Variants in SESN3 observed in about 807,000 individuals in gnomAD.
SESN3 encodes sestrin-3.
A neutral mutation model predicts 55.3 loss-of-function variants in SESN3; 21 were observed. The observed-to-expected ratio is 0.38, with a 90% CI of 0.27 to 0.55. SESN3 has a LOEUF of 0.55. SESN3 is among the 20% of genes least tolerant of loss of function. The probability of loss-of-function intolerance (pLI) is 0.76; values close to 1 mark genes in which losing one functional copy is unlikely to be tolerated. For synonymous variants in SESN3, 181 were observed against 203.1 expected (o/e 0.89, Z 0.93); for missense variants, 408 against 604.3 (o/e 0.68, Z 3.41).
intron 4 of SESN3, 102 bp from the exon 5 acceptor site, chr11:95,185,594 T>TA: frequency 1.4e-6 from 1 of 729,184 alleles, no homozygotes; most frequent in Non-Finnish European, 2.3e-6. Flanking sequence ...CTTAGAGTAA[T>TA]AAAACTTAAA....
At chr11:95,184,098 T>C (rs1367727041) in intron 6 of SESN3, 1 of 369,692 alleles carries the variant, frequency 2.7e-6, no homozygotes, top group East Asian at 4.0e-5. Context: ...ATTTCACTTA[T>C]CATTTTTAAA....
chr11:95,219,094 T>C (rs1029130336), intron 1 of SESN3, among the ~76,000 whole-genome samples: 3 of 149,800 alleles, frequency 2.0e-5, no homozygotes, highest in Non-Finnish European at 4.5e-5. Context: ...CTTTAGTTAT[T>C]TTTAATAGCT....
chr11:95,201,588 C>G (rs1025042843), intron 1 of SESN3, among the ~76,000 whole-genome samples: 17 of 151,940 alleles, frequency 1.1e-4, no homozygotes, highest in African/African-American at 4.1e-4. Flanking sequence ...CTTCTAAAAA[C>G]AAAAGGACCA....
intron 1 of SESN3, among the ~76,000 whole-genome samples, chr11:95,209,906 A>G (rs1361920160): frequency 6.7e-6 from 1 of 149,492 alleles, no homozygotes; most frequent in Non-Finnish European, 1.5e-5. Context: ...AGTCCCAGCT[A>G]CTCTGGAGGC....
chr11:95,206,309 A>T (rs529829829), intron 1 of SESN3, among the ~76,000 whole-genome samples: 2 of 151,514 alleles, frequency 1.3e-5, no homozygotes, highest in Admixed American at 1.3e-4. Context: ...ACTATTTTTG[A>T]ACCATAACCA....
chr11:95,202,436 G>A (rs964813556), intron 1 of SESN3, among the ~76,000 whole-genome samples: 2 of 151,974 alleles, frequency 1.3e-5, no homozygotes, highest in African/African-American at 4.8e-5. Context: ...TCTACTTACT[G>A]TCTTCCATGT....
chr11:95,177,707 C>G lies in SESN3; in HGVS notation c.1247+12G>C, dbSNP rs765736032. 1.6e-5 allele frequency: 25 copies of G among 1,586,516 alleles called. No individual in the cohort carries two copies. In the East Asian group the frequency reaches 5.5e-4, roughly 35 times the overall value. On this transcript the variant is annotated intron_variant, in intron 8 of 9. Transcript: ENST00000536441. ...TTAGAAATGTAAAAAACTGTCTCTA[C>G]AATGAACATACCTGATTCCAAACAT... is the stretch of plus-strand genomic sequence containing the variant.
intron 1 of SESN3, chr11:95,224,570 T>G: frequency 2.9e-6 from 1 of 343,758 alleles, no homozygotes; most frequent in East Asian, 8.4e-5. Context: ...TATGTAAATC[T>G]TTCAAATACT....
rs906446633 is a variant in SESN3 at position 95,167,004 on chromosome 11, A to AT, written c.*6250_*6251insA. 1 of 152,206 alleles carries AT rather than the reference A, an allele frequency of 6.6e-6. No individual in the cohort carries two copies. Among genetic ancestry groups the AT allele is most frequent in the African/African-American group, 2.4e-5 (1 of 41,452 alleles). The allele number at this position is 152,206 out of a possible 1,614,324, so 9.4% of individuals were successfully genotyped here. ...GAAAGCGGAAGTCTCTCAACATTAC[A>AT]AAGGAAACTCCTTGGCCACCCAACT... On this transcript the variant is annotated 3_prime_UTR_variant, in exon 10 of 10. Transcript: ENST00000536441.
chr11:95,176,235 G>A (rs1859953078), intron 8 of SESN3, among the ~76,000 whole-genome samples: 1 of 152,186 alleles, frequency 6.6e-6, no homozygotes, highest in African/African-American at 2.4e-5. Flanking sequence ...ACAAAAGCCT[G>A]ATACTGTGAA....
chr11:95,184,432 A>G lies in SESN3; in HGVS notation c.925T>C (p.Phe309Leu). The G allele has an allele frequency of 6.2e-7, 1 of 1,613,546 alleles. No individual in the cohort carries two copies. The highest frequency in any genetic ancestry group is 8.5e-7 in the Non-Finnish European group (1 of 1,179,758). ...FVVSGDTFHS[F>L]PHSDFEDDMI... Reference sequence around the variant, plus strand: ...TGCAAAAAAGCACCTGAATGAGGAAATGAATGAAAAGTATCTCCAGAGACC... The same window carrying G: ...TGCAAAAAAGCACCTGAATGAGGAAGTGAATGAAAAGTATCTCCAGAGACC... The change falls in exon 6 of 10, where the codon TTT becomes CTT. Residue 309 changes from phenylalanine (F) to leucine (L), a missense_variant. By Grantham distance (22) the Phe-to-Leu change is conservative. Transcript: ENST00000536441.
chr11:95,173,616 T>C (rs1859896698), intron 9 of SESN3, among the ~76,000 whole-genome samples: 1 of 152,128 alleles, frequency 6.6e-6, no homozygotes, highest in Non-Finnish European at 1.5e-5. Flanking sequence ...ATAAAACTAA[T>C]TTTTATAAAT....
chr11:95,176,753 C>T (rs927914832), intron 8 of SESN3, among the ~76,000 whole-genome samples: 1 of 152,130 alleles, frequency 6.6e-6, no homozygotes, highest in Non-Finnish European at 1.5e-5. Flanking sequence ...GTATCCAATA[C>T]ATATTTATTG....
At chr11:95,205,896 T>C (rs191544540) in intron 1 of SESN3, among the ~76,000 whole-genome samples, 2 of 151,946 alleles carry the variant, frequency 1.3e-5, no homozygotes, top group East Asian at 3.9e-4. Flanking sequence ...CCTTAGTTTA[T>C]TGAGGGGGTG....
At chr11:95,218,520 A>G (rs1472507632) in intron 1 of SESN3, among the ~76,000 whole-genome samples, 3 of 152,362 alleles carry the variant, frequency 2.0e-5, no homozygotes, top group Non-Finnish European at 4.4e-5. Context: ...TTGCCTAAGA[A>G]TCTGAAGGCC....
Position 95,192,130 on chromosome 11 carries a change from A to T in SESN3, c.145-529T>A, listed in dbSNP as rs551643942. On this transcript the variant is annotated intron_variant, in intron 2 of 9. Coordinates refer to ENST00000536441, the MANE Select transcript of SESN3 (RefSeq NM_144665.4). ...TATATAATAAATTTTAGAAGTGTTAATTGAAAAATTAATGAGGACACCAGA... is the reference window on the plus strand; with the variant it reads ...TATATAATAAATTTTAGAAGTGTTATTTGAAAAATTAATGAGGACACCAGA... 1.4e-4 allele frequency among the ~76,000 whole-genome samples: 21 copies of T among 152,232 alleles called. No individual in the cohort carries two copies. The South Asian group carries it at 4.1e-3, about 30-fold the overall frequency.
chr11:95,226,034 T>TA (rs71036382), intron 1 of SESN3, among the ~76,000 whole-genome samples: 4,869 of 132,380 alleles, frequency 0.037, 198 homozygotes, highest in East Asian at 0.22. Flanking sequence ...CAAAAATAAG[T>TA]AAAAAAAAAA....
intron 6 of SESN3, chr11:95,182,069 C>T: frequency 7.6e-6 from 2 of 263,806 alleles, no homozygotes; most frequent in Non-Finnish European, 1.5e-5. Context: ...GGCTAAGGTC[C>T]AAGACTTTCT....
intron 8 of SESN3, among the ~76,000 whole-genome samples, chr11:95,176,370 T>C (rs374857984): frequency 1.3e-5 from 2 of 152,190 alleles, no homozygotes; most frequent in South Asian, 2.1e-4. Context: ...AAGGTGAAAC[T>C]GAAATTTTCT....
Sources: allele counts gnomAD v4.1 joint callset (sites outside exome capture counted in the v4.1 genomes callset), GRCh38; gene constraint gnomAD v4.1.1; transcripts MANE v1.5; gene names NCBI Gene and HGNC (gene_info 2026-07-23, HGNC 2026-07-21).